The following ADCYAP1R1 variants were observed in gnomAD, a reference collection of about 807,000 sequenced individuals.
ADCYAP1R1 encodes pituitary adenylate cyclase-activating polypeptide type I receptor.
Under a neutral mutation model 67.6 loss-of-function variants are expected in ADCYAP1R1, and 44 were observed. The observed-to-expected ratio is 0.65, with a 90% CI of 0.51 to 0.84. ADCYAP1R1 has a LOEUF of 0.84. Ranked by LOEUF, ADCYAP1R1 falls within the 40% of genes least tolerant of loss-of-function variation. ADCYAP1R1 has a pLI of 0.00. For missense variants in ADCYAP1R1, 477 were observed against 587.9 expected (o/e 0.81, Z 1.95); for synonymous variants, 222 against 219.6 (o/e 1.01, Z -0.10).
At chr7:31,065,860 C>G (rs1794715131) in intron 3 of ADCYAP1R1, among the ~76,000 whole-genome samples, 1 of 152,228 alleles carries the variant, frequency 6.6e-6, no homozygotes, top group African/African-American at 2.4e-5. Context: ...CCTGGCTCCT[C>G]TGAGCACCAT....
intron 1 of ADCYAP1R1, among the ~76,000 whole-genome samples, chr7:31,061,851 GA>G (rs1481600898): frequency 6.6e-6 from 1 of 152,184 alleles, no homozygotes; most frequent in African/African-American, 2.4e-5. Flanking sequence ...GGTGTGCGAA[GA>G]CTAATGGTTG....
intron 13 of ADCYAP1R1, among the ~76,000 whole-genome samples, chr7:31,096,926 C>G (rs1385403998): frequency 6.6e-6 from 1 of 152,198 alleles, no homozygotes; most frequent in Non-Finnish European, 1.5e-5. Context: ...CAAAGGGCTC[C>G]CTGCAGGTGT....
Position 31,084,817 on chromosome 7 carries a change from C to G in ADCYAP1R1, c.519C>G (p.Val173=). The G allele has an allele frequency of 6.2e-7, 1 of 1,614,162 alleles. No individual in the cohort carries two copies. The highest frequency in any genetic ancestry group is 1.1e-5 in the South Asian group (1 of 91,070). ...TSLVTLTTAM[V]ILCRFRKLHC... The stretch of plus-strand genomic sequence containing the variant: ...TCGTCACCCTCACCACTGCCATGGT[C>G]ATCCTTTGTCGCTTCCGGTGAGACC... Residue 173 remains valine, a synonymous_variant, in exon 8 of 16, where the codon GTC becomes GTG. Transcript: ENST00000304166.
chr7:31,085,725 C>G (rs910787212), intron 9 of ADCYAP1R1, among the ~76,000 whole-genome samples: 1 of 152,240 alleles, frequency 6.6e-6, no homozygotes, highest in Admixed American at 6.5e-5. Flanking sequence ...GGTGGGAACA[C>G]CAAGTCCCAC....
At chr7:31,072,392 C>T (rs553687395) in intron 3 of ADCYAP1R1, among the ~76,000 whole-genome samples, 28 of 152,254 alleles carry the variant, frequency 1.8e-4, no homozygotes, top group Middle Eastern at 3.4e-3. Flanking sequence ...TCACCATTGG[C>T]GTGCCCTCAG....
chr7:31,059,851 A>G (rs1421610953), intron 1 of ADCYAP1R1, among the ~76,000 whole-genome samples: 2 of 150,448 alleles, frequency 1.3e-5, no homozygotes, highest in African/African-American at 4.9e-5. Flanking sequence ...TGAGGTCCCC[A>G]GCGGAGTCGA....
Position 31,085,300 on chromosome 7 carries a change from A to T in ADCYAP1R1, c.537-10A>T. On this transcript the variant is annotated splice_polypyrimidine_tract_variant and intron_variant, in intron 8 of 15. Coordinates refer to ENST00000304166, the MANE Select transcript of ADCYAP1R1 (RefSeq NM_001118.5). Reference sequence around the variant, plus strand: ...CCAAGGCTTCTTTCTCCCCTGGCCCACTCATGTAGGAAGCTGCACTGCACA... The same window carrying T: ...CCAAGGCTTCTTTCTCCCCTGGCCCTCTCATGTAGGAAGCTGCACTGCACA... The T allele has an allele frequency of 6.2e-7, 1 of 1,611,926 alleles. No individual in the cohort carries two copies. The highest frequency in any genetic ancestry group is 2.2e-5 in the East Asian group (1 of 44,852).
intron 12 of ADCYAP1R1, among the ~76,000 whole-genome samples, chr7:31,090,630 T>C (rs1180857978): frequency 6.6e-6 from 1 of 152,244 alleles, no homozygotes; most frequent in African/African-American, 2.4e-5. Flanking sequence ...CCATGAGTGC[T>C]CAATGTTTAG....
rs1795639611 is a variant in ADCYAP1R1 at position 31,084,172 on chromosome 7, G to A, written c.360G>A (p.Glu120=). 6.2e-7 allele frequency: 1 copy of A among 1,614,068 alleles called. No homozygotes were observed. Among genetic ancestry groups the A allele is most frequent in the Admixed American group, 1.7e-5 (1 of 60,008 alleles). Residue 120 remains glutamate, a synonymous_variant, in exon 7 of 16, where the codon GAG becomes GAA. Coordinates refer to ENST00000304166, the MANE Select transcript of ADCYAP1R1 (RefSeq NM_001118.5). ...GAGTGGTGAGCCGGAACTGCACGGA[G>A]GATGGCTGGTCGGAACCCTTCCCTC... The part of the protein sequence containing the change: ...DMGVVSRNCT[E]DGWSEPFPHY...
intron 3 of ADCYAP1R1, among the ~76,000 whole-genome samples, chr7:31,071,036 T>C (rs919007953): frequency 6.6e-6 from 1 of 152,178 alleles, no homozygotes; most frequent in Non-Finnish European, 1.5e-5. Context: ...TACCCTTAGA[T>C]TGCATGCTAA....
chr7:31,073,922 G>T (rs1040521135), intron 3 of ADCYAP1R1, among the ~76,000 whole-genome samples: 9 of 152,140 alleles, frequency 5.9e-5, no homozygotes, highest in Non-Finnish European at 1.2e-4. Context: ...CTCTAGAGGG[G>T]GCTCAGGCTG....
intron 13 of ADCYAP1R1, among the ~76,000 whole-genome samples, chr7:31,094,300 C>T (rs1796095530): frequency 6.6e-6 from 1 of 152,082 alleles, no homozygotes; most frequent in African/African-American, 2.4e-5. Context: ...ATAACCTGCC[C>T]TAGAGATAGC....
Position 31,086,355 on chromosome 7 carries a change from G to A in ADCYAP1R1, c.670-29G>A, listed in dbSNP as rs138384179. ...TTGCTCCTGTTCCTGTTGGGCTCACGCCCCTCACCCTGGCGCTTCTCCCTG... is the reference window on the plus strand; with the variant it reads ...TTGCTCCTGTTCCTGTTGGGCTCACACCCCTCACCCTGGCGCTTCTCCCTG... On this transcript the variant is annotated intron_variant, in intron 9 of 15. Coordinates refer to ENST00000304166, the MANE Select transcript of ADCYAP1R1 (RefSeq NM_001118.5). The surrounding 1 kb of genome is among the most constrained non-coding windows in gnomAD (Gnocchi z 5.0). The A allele has an allele frequency of 4.0e-4, 641 of 1,610,188 alleles. 3 individuals carry two copies. In the African/African-American group the frequency reaches 7.6e-3, roughly 19 times the overall value.
rs192838385 is a variant in ADCYAP1R1 at position 31,102,269 on chromosome 7, G to A, written c.1047-968G>A. ...ATCCTCTGGAGGAGATGGGCCAGGT[G>A]CAGCCTGGGGGCAGGCCACATCTGC... is the stretch of plus-strand genomic sequence containing the variant. On this transcript the variant is annotated intron_variant, in intron 13 of 15. Transcript: ENST00000304166. The surrounding 1 kb of genome is among the most constrained non-coding windows in gnomAD (Gnocchi z 4.3). Among the ~76,000 whole-genome samples, 225 of 152,362 alleles carry A rather than the reference G, an allele frequency of 1.5e-3. 1 individual carries two copies. The highest frequency in any genetic ancestry group is 5.1e-3 in the African/African-American group (214 of 41,592).
chr7:31,058,638 ATGT>A (rs1367362301), intron 1 of ADCYAP1R1, among the ~76,000 whole-genome samples: 1 of 152,162 alleles, frequency 6.6e-6, no homozygotes, highest in Non-Finnish European at 1.5e-5. Flanking sequence ...CAGGTCTGAA[ATGT>A]TGTGTCTGTA....
chr7:31,066,278 C>T (rs1196996460), intron 3 of ADCYAP1R1, among the ~76,000 whole-genome samples: 1 of 152,278 alleles, frequency 6.6e-6, no homozygotes, highest in South Asian at 2.1e-4. Flanking sequence ...CATTGCGTGT[C>T]TCAGATACAT....
At chr7:31,093,247 CG>C (rs1167583041) in intron 13 of ADCYAP1R1, among the ~76,000 whole-genome samples, 1 of 152,154 alleles carries the variant, frequency 6.6e-6, no homozygotes, top group African/African-American at 2.4e-5. Context: ...CACAGGCCCT[CG>C]GGGCAGCTCT....
chr7:31,093,580 AGGTTGGTTGTCCCCTGT>A (rs1156902305), intron 13 of ADCYAP1R1, among the ~76,000 whole-genome samples: 1 of 151,942 alleles, frequency 6.6e-6, no homozygotes, highest in Non-Finnish European at 1.5e-5. Context: ...CTGGGGAGGA[AGGTTGGTTGTCCCCTGT>A]GGTTGGCTGG....
intron 3 of ADCYAP1R1, among the ~76,000 whole-genome samples, chr7:31,073,705 G>A (rs1319534882): frequency 6.6e-6 from 1 of 152,148 alleles, no homozygotes; most frequent in African/African-American, 2.4e-5. Flanking sequence ...GGTGGTAACT[G>A]CAAGAGAAAT....
Sources: allele counts gnomAD v4.1 joint callset (sites outside exome capture counted in the v4.1 genomes callset), GRCh38; gene constraint gnomAD v4.1.1; non-coding constraint Gnocchi (gnomAD v3.1); transcripts MANE v1.5; gene names NCBI Gene and HGNC (gene_info 2026-07-23, HGNC 2026-07-21).